The following YBEY variants were observed in gnomAD, a reference collection of about 807,000 sequenced individuals.
YBEY encodes endoribonuclease YbeY.
Under a neutral mutation model 13.5 loss-of-function variants are expected in YBEY, and 15 were observed. That is an observed-to-expected ratio of 1.11 (90% CI 0.75 to 1.72). The LOEUF (loss-of-function observed/expected upper bound fraction) is 1.72, where lower values mean the gene tolerates loss of function less well. YBEY is among the 40% of genes most tolerant of loss of function. The pLI is 0.00. For synonymous variants in YBEY, 101 were observed against 83.1 expected (o/e 1.21, Z -1.17); for missense variants, 244 against 208.4 (o/e 1.17, Z -1.05).
chr21:46,296,732 C>T (rs1365766659), intron 4 of YBEY, among the ~76,000 whole-genome samples: 1 of 152,196 alleles, frequency 6.6e-6, no homozygotes, highest in Non-Finnish European at 1.5e-5. Context: ...CAGTGGCTCA[C>T]GCCTGTAATC....
downstream of YBEY, chr21:46,302,427 G>T (rs116302584): frequency 1.6e-3 from 2,219 of 1,396,176 alleles, 31 homozygotes; most frequent in African/African-American, 0.025. Flanking sequence ...ATTTCCAGAA[G>T]AAAAACCACC....
In YBEY at chr21:46,287,104, T is replaced by C. The variant is rs889208310; in HGVS notation, c.191T>C (p.Leu64Pro). The part of the protein sequence containing the change: ...YRDRNVPTDV[L>P]SFPFHEHLKA... ...GATAGAAATGTCCCAACCGATGTGC[T>C]TTCTTTTCCATTTCATGAGGTAAAA... Residue 64 changes from leucine to proline, a missense_variant, in exon 2 of 5, where the codon CTT becomes CCT. Coordinates refer to ENST00000397701, the MANE Select transcript of YBEY (RefSeq NM_001314025.2). 1 of 1,605,112 alleles carries C rather than the reference T, an allele frequency of 6.2e-7. No homozygotes were observed. Among genetic ancestry groups the C allele is most frequent in the African/African-American group, 1.3e-5 (1 of 74,230 alleles).
At chr21:46,312,878 C>T in the YBEY span, 1 of 472,402 alleles carries the variant, frequency 2.1e-6, no homozygotes, top group Non-Finnish European at 2.8e-6. Flanking sequence ...TTACTGTCCT[C>T]CATCATATAC....
the YBEY span, among the ~76,000 whole-genome samples, chr21:46,312,255 G>A: frequency 1.3e-5 from 2 of 152,216 alleles, no homozygotes; most frequent in Admixed American, 6.5e-5. Flanking sequence ...TGTCTTTAGC[G>A]GGGTGGGCTG....
chr21:46,290,599 G>A (rs1601581250), intron 2 of YBEY, among the ~76,000 whole-genome samples: 1 of 152,100 alleles, frequency 6.6e-6, no homozygotes, highest in East Asian at 1.9e-4. Flanking sequence ...ACTCTGGCCT[G>A]AGACATGCAT....
chr21:46,303,741 A>ATTTTT, the YBEY span, among the ~76,000 whole-genome samples: 1 of 24,270 alleles, frequency 4.1e-5, no homozygotes, highest in African/African-American at 1.6e-4. Context: ...ATATATATAT[A>ATTTTT]TATATTTTTT....
At chr21:46,310,041 A>G in the YBEY span, among the ~76,000 whole-genome samples, 1 of 152,116 alleles carries the variant, frequency 6.6e-6, no homozygotes, top group African/African-American at 2.4e-5. Context: ...AATTCAAACT[A>G]CTACATAGTG....
At chr21:46,309,666 A>G in the YBEY span, among the ~76,000 whole-genome samples, 12 of 151,834 alleles carry the variant, frequency 7.9e-5, no homozygotes, top group Admixed American at 5.3e-4. Flanking sequence ...CCATACAAAA[A>G]AAGAGTACAT....
At chr21:46,289,272 G>T (rs1016604039) in intron 2 of YBEY, among the ~76,000 whole-genome samples, 1 of 152,086 alleles carries the variant, frequency 6.6e-6, no homozygotes, top group Non-Finnish European at 1.5e-5. Flanking sequence ...CATTGGGAGG[G>T]ATGAAAGAAA....
At chr21:46,288,233 C>T (rs1403951933) in intron 2 of YBEY, among the ~76,000 whole-genome samples, 1 of 152,174 alleles carries the variant, frequency 6.6e-6, no homozygotes, top group African/African-American at 2.4e-5. Flanking sequence ...TAATAGCAGT[C>T]AGGTTATTAT....
chr21:46,297,492 C>T, intron 4 of YBEY, 47 bp from the exon 5 acceptor site: 1 of 1,335,548 alleles, frequency 7.5e-7, no homozygotes, highest in African/African-American at 1.5e-5. Context: ...GAGAGTGGGG[C>T]GCGGACACCT....
At chr21:46,310,590 C>T in the YBEY span, among the ~76,000 whole-genome samples, 1 of 151,892 alleles carries the variant, frequency 6.6e-6, no homozygotes, top group Non-Finnish European at 1.5e-5. Context: ...GGGCGGATCA[C>T]CTGAGGTTGG....
downstream of YBEY, among the ~76,000 whole-genome samples, chr21:46,298,554 C>T (rs1432937772): frequency 4.6e-5 from 7 of 151,232 alleles, no homozygotes; most frequent in Admixed American, 6.6e-5. Flanking sequence ...TTCATCCTCC[C>T]GAGTAGCTGG....
chr21:46,296,149 A>T lies in YBEY; in HGVS notation c.340-13A>T. 1 of 1,613,680 alleles carries T rather than the reference A, an allele frequency of 6.2e-7. No homozygotes were observed. The highest frequency in any genetic ancestry group is 1.7e-5 in the Admixed American group (1 of 60,008). On this transcript the variant is annotated splice_polypyrimidine_tract_variant and intron_variant, in intron 3 of 4. Coordinates refer to ENST00000397701, the MANE Select transcript of YBEY (RefSeq NM_001314025.2). ...GGGTCATCCTCTGAGCCGGTTTAAA[A>T]TTATTCTGACAGGTGACGGCCACCC...
At chr21:46,303,728 T>TATATA in the YBEY span, among the ~76,000 whole-genome samples, 1 of 26,822 alleles carries the variant, frequency 3.7e-5, no homozygotes, top group East Asian at 6.4e-4. Flanking sequence ...TATATATATA[T>TATATA]ATATATATAT....
chr21:46,299,896 TGGACCAAGGG>T (rs1216199312), downstream of YBEY, among the ~76,000 whole-genome samples: 11 of 152,062 alleles, frequency 7.2e-5, no homozygotes, highest in Non-Finnish European at 1.0e-4. Flanking sequence ...CCTACCCAGG[TGGACCAAGGG>T]GGACCAAGGG....
the YBEY span, among the ~76,000 whole-genome samples, chr21:46,306,499 GA>G: frequency 3.3e-5 from 5 of 149,300 alleles, no homozygotes; most frequent in South Asian, 6.4e-4. Context: ...CTCCCATCTC[GA>G]AAAAAAAAAT....
At chr21:46,291,575 TG>T in intron 3 of YBEY, 113 bp downstream of exon 3, 3 of 1,524,060 alleles carry the variant, frequency 2.0e-6, no homozygotes, top group Non-Finnish European at 2.6e-6. Flanking sequence ...TAAGGGCTAC[TG>T]GGGGAAGAAC....
intron 3 of YBEY, among the ~76,000 whole-genome samples, chr21:46,292,536 G>A (rs1454582332): frequency 6.9e-4 from 104 of 151,122 alleles, no homozygotes; most frequent in Admixed American, 1.2e-3. Context: ...CTGTGCCCGG[G>A]ACTGAGTGGG....
Sources: allele counts gnomAD v4.1 joint callset (sites outside exome capture counted in the v4.1 genomes callset), GRCh38; gene constraint gnomAD v4.1.1; transcripts MANE v1.5; gene names NCBI Gene and HGNC (gene_info 2026-07-23, HGNC 2026-07-21).